Variants in TMEM63C observed in about 807,000 individuals in gnomAD.
TMEM63C encodes the protein transmembrane protein 63C, also known as osmosensitive cation channel TMEM63C.
A neutral mutation model predicts 99.2 loss-of-function variants in TMEM63C; 32 were observed. The observed-to-expected ratio is 0.32, with a 90% CI of 0.24 to 0.43. TMEM63C has a LOEUF of 0.43. Among genes scored for constraint, TMEM63C ranks in the 20% least tolerant of loss-of-function variants. The pLI is 1.00. For missense variants in TMEM63C, 826 were observed against 1,053.0 expected (o/e 0.78, Z 2.98); for synonymous variants, 376 against 397.9 (o/e 0.94, Z 0.66).
rs187316219 is a variant in TMEM63C at position 77,245,194 on chromosome 14, G to A, written c.1448+739G>A. On this transcript the variant is annotated intron_variant, in intron 16 of 23. Transcript: ENST00000298351. Reference sequence around the variant, plus strand: ...ACTGCAGGGATTTTTAGTATTCTTGGTAATGTCTCTTTAACACAGAGACAT... The same window carrying A: ...ACTGCAGGGATTTTTAGTATTCTTGATAATGTCTCTTTAACACAGAGACAT... Among the ~76,000 whole-genome samples the A allele has an allele frequency of 1.5e-3, 236 of 152,266 alleles. 1 individual carries two copies. The highest frequency in any genetic ancestry group is 5.4e-3 in the African/African-American group (223 of 41,526).
intron 5 of TMEM63C, among the ~76,000 whole-genome samples, chr14:77,224,486 T>TA (rs1322359383): frequency 3.9e-5 from 6 of 152,116 alleles, no homozygotes; most frequent in Non-Finnish European, 1.5e-5. Flanking sequence ...CTAAGTCCTC[T>TA]GGGATCCCAG....
chr14:77,257,734 C>G lies in TMEM63C; in HGVS notation c.*1008C>G, dbSNP rs1437687814. The G allele has an allele frequency of 2.6e-5, 4 of 152,232 alleles. No homozygotes were observed. Among genetic ancestry groups the G allele is most frequent in the Non-Finnish European group, 5.9e-5 (4 of 68,054 alleles). 9.4% of individuals were successfully genotyped at this position (152,232 alleles called of 1,614,324 possible). On this transcript the variant is annotated 3_prime_UTR_variant, in exon 24 of 24. Coordinates refer to ENST00000298351, the MANE Select transcript of TMEM63C (RefSeq NM_020431.4). ...GGGCAGTACGTTAGGGTAAGAACCCCATGCTTCAAACTTAAGGACTGACCA... is the reference window on the plus strand; with the variant it reads ...GGGCAGTACGTTAGGGTAAGAACCCGATGCTTCAAACTTAAGGACTGACCA...
In TMEM63C at chr14:77,245,911, T is replaced by C. The variant is rs1198876031; in HGVS notation, c.1449-29T>C. 4 of 1,564,492 alleles carry C rather than the reference T, an allele frequency of 2.6e-6. No individual in the cohort carries two copies. In the South Asian group the frequency reaches 3.3e-5, roughly 13 times the overall value. Reference sequence around the variant, plus strand: ...TTTGGTTCTTATTAGGCCACGTCCATTGATGAATATCTCTCTGTTTCCTTC... The same window carrying C: ...TTTGGTTCTTATTAGGCCACGTCCACTGATGAATATCTCTCTGTTTCCTTC... On this transcript the variant is annotated intron_variant, in intron 16 of 23. Coordinates refer to ENST00000298351, the MANE Select transcript of TMEM63C (RefSeq NM_020431.4).
At chr14:77,203,532 C>G (rs1888339563) in intron 1 of TMEM63C, among the ~76,000 whole-genome samples, 2 of 152,214 alleles carry the variant, frequency 1.3e-5, no homozygotes. Context: ...CAGCATTCTC[C>G]ATGTGCCGTC....
At chr14:77,224,837 T>G (rs1190969554) in intron 5 of TMEM63C, among the ~76,000 whole-genome samples, 1 of 152,182 alleles carries the variant, frequency 6.6e-6, no homozygotes, top group African/African-American at 2.4e-5. Context: ...AAGGGATTTT[T>G]TTTTTTAATT....
intron 1 of TMEM63C, among the ~76,000 whole-genome samples, chr14:77,186,776 G>GGGGTGT (rs1374329494): frequency 6.9e-4 from 95 of 138,550 alleles, no homozygotes; most frequent in Non-Finnish European, 1.2e-3. Flanking sequence ...GAACCAAAGG[G>GGGGTGT]GTGTGTGTGT....
intron 17 of TMEM63C, 55 bp downstream of exon 17, chr14:77,246,081 ACCT>A (rs1889264687): frequency 4.3e-6 from 6 of 1,384,816 alleles, no homozygotes; most frequent in Non-Finnish European, 5.1e-6. Context: ...TAGAGTTAAG[ACCT>A]CCTCTTTCAG....
rs1026162623 is a variant in TMEM63C, at chr14:77,256,509, G to A, written c.2221-17G>A. 3 of 1,613,732 alleles carry A rather than the reference G, an allele frequency of 1.9e-6. No individual in the cohort carries two copies. Among genetic ancestry groups the A allele is most frequent in the Admixed American group, 3.3e-5 (2 of 60,018 alleles). On this transcript the variant is annotated splice_polypyrimidine_tract_variant and intron_variant, in intron 23 of 23. Coordinates refer to ENST00000298351, the MANE Select transcript of TMEM63C (RefSeq NM_020431.4). Reference sequence around the variant, plus strand: ...CAACGTGACCTTGCTCCTGTCCCCTGTCTCTATCCCAAGCAGCTGTATGTG... The same window carrying A: ...CAACGTGACCTTGCTCCTGTCCCCTATCTCTATCCCAAGCAGCTGTATGTG...
intron 4 of TMEM63C, 47 bp downstream of exon 4, chr14:77,219,624 C>A (rs574870785): frequency 6.3e-7 from 1 of 1,598,306 alleles, no homozygotes; most frequent in Non-Finnish European, 8.6e-7. Flanking sequence ...TTGGGGAAAA[C>A]CTGTTGCCAT....
chr14:77,251,925 T>A, intron 22 of TMEM63C, 27 bp downstream of exon 22: 2 of 1,541,954 alleles, frequency 1.3e-6, no homozygotes, highest in Non-Finnish European at 1.8e-6. Context: ...CCCCTCCTCC[T>A]GGTTCTCTTG....
chr14:77,230,809 G>A (rs1187094662), intron 6 of TMEM63C, among the ~76,000 whole-genome samples: 1 of 152,118 alleles, frequency 6.6e-6, no homozygotes, highest in Non-Finnish European at 1.5e-5. Flanking sequence ...AGGGACCACT[G>A]CTGTCTAGTA....
At chr14:77,203,561 C>T (rs1888340132) in intron 1 of TMEM63C, among the ~76,000 whole-genome samples, 1 of 152,186 alleles carries the variant, frequency 6.6e-6, no homozygotes, top group Non-Finnish European at 1.5e-5. Flanking sequence ...GCTTTTCCTG[C>T]CTGGCCATGC....
chr14:77,239,846 C>T, intron 12 of TMEM63C, 120 bp downstream of exon 12: 1 of 1,359,808 alleles, frequency 7.4e-7, no homozygotes, highest in South Asian at 1.5e-5. Flanking sequence ...TCTAGTGCTC[C>T]CCACCCAGCT....
At chr14:77,199,277 C>A (rs1204377557) in intron 1 of TMEM63C, among the ~76,000 whole-genome samples, 1 of 152,176 alleles carries the variant, frequency 6.6e-6, no homozygotes, top group Non-Finnish European at 1.5e-5. Flanking sequence ...AGGATAGGAG[C>A]AAAATCTAGA....
intron 2 of TMEM63C, among the ~76,000 whole-genome samples, chr14:77,214,748 A>T (rs1341884315): frequency 6.6e-6 from 1 of 151,070 alleles, no homozygotes; most frequent in Non-Finnish European, 1.5e-5. Flanking sequence ...TCCTTCTGAT[A>T]CTCAGCCGCT....
intron 1 of TMEM63C, among the ~76,000 whole-genome samples, chr14:77,204,654 G>A (rs1236537089): frequency 2.0e-5 from 3 of 152,192 alleles, no homozygotes; most frequent in East Asian, 1.9e-4. Flanking sequence ...CGTCTGCTAC[G>A]TCATCCCGTA....
intron 22 of TMEM63C, among the ~76,000 whole-genome samples, chr14:77,252,275 TTGC>T (rs200336364): frequency 6.6e-6 from 1 of 150,728 alleles, no homozygotes; most frequent in South Asian, 2.1e-4. Context: ...GCGGGGGGAG[TTGC>T]TGATGATTCA....
chr14:77,188,274 A>G (rs1329884812), intron 1 of TMEM63C, among the ~76,000 whole-genome samples: 1 of 152,218 alleles, frequency 6.6e-6, no homozygotes, highest in African/African-American at 2.4e-5. Context: ...TCATCCTTTC[A>G]CTTTTCAAGT....
At chr14:77,197,044 C>A (rs1039188204) in intron 1 of TMEM63C, among the ~76,000 whole-genome samples, 3 of 152,220 alleles carry the variant, frequency 2.0e-5, no homozygotes, top group Non-Finnish European at 4.4e-5. Flanking sequence ...CTAAGTGAGG[C>A]TTTCTTCCCT....
Sources: gnomAD v4.1 joint callset for allele counts (sites outside exome capture counted in the v4.1 genomes callset) on GRCh38, gnomAD v4.1.1 for gene constraint, MANE v1.5 for transcripts, NCBI Gene and HGNC (gene_info 2026-07-23, HGNC 2026-07-21) for gene names.